Variants in DAPP1 observed in about 807,000 individuals in gnomAD.
DAPP1 encodes the protein dual adaptor of phosphotyrosine and 3-phosphoinositides 1, also known as dual adapter for phosphotyrosine and 3-phosphotyrosine and 3-phosphoinositide.
DAPP1 carries 20 observed loss-of-function variants against 41.5 expected under a neutral mutation model. The observed-to-expected ratio is 0.48, with a 90% confidence interval of 0.34 to 0.70. DAPP1 has a LOEUF of 0.70. DAPP1 is among the 30% of genes least tolerant of loss of function. The pLI, the probability that DAPP1 is intolerant of heterozygous loss-of-function variation, is 0.01. For synonymous variants in DAPP1, 113 were observed against 116.2 expected (o/e 0.97, Z 0.18); for missense variants, 233 against 333.4 (o/e 0.70, Z 2.35).
chr4:99,857,717 C>T (rs945910907), intron 4 of DAPP1, among the ~76,000 whole-genome samples: 25 of 150,966 alleles, frequency 1.7e-4, no homozygotes, highest in African/African-American at 5.8e-4. Flanking sequence ...CACACACACA[C>T]ACACACACAC....
chr4:99,853,172 C>G (rs1183934757), intron 3 of DAPP1, 46 bp from the exon 4 acceptor site: 1 of 1,603,348 alleles, frequency 6.2e-7, no homozygotes, highest in Admixed American at 1.7e-5. Context: ...TTTGGACCTT[C>G]CTTCTGGGAA....
intron 1 of DAPP1, among the ~76,000 whole-genome samples, chr4:99,822,806 T>C (rs1283581273): frequency 6.6e-6 from 1 of 152,176 alleles, no homozygotes; most frequent in African/African-American, 2.4e-5. Context: ...CCAACTCCCG[T>C]AGAGGATAAA....
At chr4:99,870,726 G>A (rs1201693815), downstream of DAPP1, among the ~76,000 whole-genome samples, 1 of 152,166 alleles carries the variant, frequency 6.6e-6, no homozygotes, top group Admixed American at 6.5e-5. Flanking sequence ...ACAGGTATGA[G>A]CTTATCATTA....
At chr4:99,864,032 A>C (rs1724334281) in intron 7 of DAPP1, 177 bp downstream of exon 7, 1 of 511,332 alleles carries the variant, frequency 2.0e-6, no homozygotes, top group Non-Finnish European at 3.4e-6. Flanking sequence ...AAAGTAGCTT[A>C]AACAAACAGG....
chr4:99,842,477 T>TA lies in DAPP1; in HGVS notation c.358+2056dup, dbSNP rs528557492. ...ACTTGCTGGCTTCCAGCCCTTGAGT[T>TA]AGAGTCCACCAGCTTTATTCCTCTT... On this transcript the variant is annotated intron_variant, in intron 3 of 8. Coordinates refer to ENST00000512369, the MANE Select transcript of DAPP1 (RefSeq NM_014395.3). Among the ~76,000 whole-genome samples the TA allele has an allele frequency of 6.0e-3, 908 of 152,366 alleles. 6 individuals carry two copies. The highest frequency in any genetic ancestry group is 0.013 in the Admixed American group (203 of 15,308).
intron 6 of DAPP1, 34 bp from the exon 7 acceptor site, chr4:99,863,735 TA>T (rs1724322116): frequency 1.6e-6 from 2 of 1,247,912 alleles, no homozygotes; most frequent in South Asian, 1.4e-5. Flanking sequence ...TTTTTTTTTT[TA>T]ATGGTGACAT....
At chr4:99,840,532 A>G (rs1490381705) in intron 3 of DAPP1, 110 bp downstream of exon 3, 1 of 1,252,684 alleles carries the variant, frequency 8.0e-7, no homozygotes, top group Non-Finnish European at 1.1e-6. Context: ...TTTCAGCATT[A>G]TCTTGAAGAG....
chr4:99,823,510 A>G (rs551369744), intron 1 of DAPP1, among the ~76,000 whole-genome samples: 1 of 152,334 alleles, frequency 6.6e-6, no homozygotes, highest in East Asian at 1.9e-4. Context: ...ATCATATTAT[A>G]TGTATAATTT....
At chr4:99,826,010 C>A (rs1647955022) in intron 1 of DAPP1, among the ~76,000 whole-genome samples, 2 of 152,194 alleles carry the variant, frequency 1.3e-5, no homozygotes, top group Non-Finnish European at 2.9e-5. Flanking sequence ...CTAGCACCGA[C>A]CCTATGAACA....
At chr4:99,837,192 C>T (rs1358199611) in intron 2 of DAPP1, among the ~76,000 whole-genome samples, 2 of 152,222 alleles carry the variant, frequency 1.3e-5, no homozygotes, top group East Asian at 3.8e-4. Flanking sequence ...AGATAATGTC[C>T]ATATCTTAAC....
chr4:99,855,422 T>C (rs972401195), intron 4 of DAPP1, among the ~76,000 whole-genome samples: 1 of 152,234 alleles, frequency 6.6e-6, no homozygotes, highest in Non-Finnish European at 1.5e-5. Flanking sequence ...ATAGTATCCT[T>C]ATGCAGAAAT....
At chr4:99,821,796 A>G (rs1722783985) in intron 1 of DAPP1, among the ~76,000 whole-genome samples, 1 of 152,234 alleles carries the variant, frequency 6.6e-6, no homozygotes. Context: ...TGTGATTATA[A>G]CAAAGTTTAC....
intron 3 of DAPP1, among the ~76,000 whole-genome samples, chr4:99,848,361 G>A (rs868097799): frequency 6.6e-6 from 1 of 151,640 alleles, no homozygotes; most frequent in East Asian, 2.0e-4. Context: ...CCAAGTAGCT[G>A]GGACTACAGA....
chr4:99,855,973 G>A (rs1400409182), intron 4 of DAPP1, among the ~76,000 whole-genome samples: 1 of 152,194 alleles, frequency 6.6e-6, no homozygotes. Flanking sequence ...AGATGACTGT[G>A]TATAACTGTT....
intron 8 of DAPP1, 130 bp downstream of exon 8, chr4:99,866,251 C>A (rs1175009618): frequency 9.7e-6 from 6 of 618,132 alleles, no homozygotes; most frequent in African/African-American, 1.8e-5. Context: ...TACTTCCAGG[C>A]TTGCGGAACA....
Position 99,853,362 on chromosome 4 carries a change from A to C in DAPP1, c.489+14A>C. On this transcript the variant is annotated intron_variant, in intron 4 of 8. Transcript: ENST00000512369. ...ACAGCACCTTCTGTAAGTGACCTTC[A>C]ACGTGACCACAAGCTCTCTCCCTGT... The C allele has an allele frequency of 6.2e-7, 1 of 1,600,710 alleles. No homozygotes were observed.
chr4:99,828,879 T>C (rs1723030215), intron 1 of DAPP1, among the ~76,000 whole-genome samples: 1 of 152,248 alleles, frequency 6.6e-6, no homozygotes, highest in African/African-American at 2.4e-5. Context: ...TTTATCAGAC[T>C]TGAGACATAA....
At chr4:99,857,235 C>T (rs1341189951) in intron 4 of DAPP1, among the ~76,000 whole-genome samples, 11 of 152,048 alleles carry the variant, frequency 7.2e-5, no homozygotes, top group South Asian at 4.1e-4. Context: ...ATGTGATACA[C>T]GAAAGAAAGA....
At chr4:99,870,833 G>A (rs1407112134), downstream of DAPP1, among the ~76,000 whole-genome samples, 1 of 152,220 alleles carries the variant, frequency 6.6e-6, no homozygotes, top group East Asian at 1.9e-4. Context: ...CCAACATGGT[G>A]AGGGAAGGCT....
Sources: allele counts gnomAD v4.1 joint callset (sites outside exome capture counted in the v4.1 genomes callset), GRCh38; gene constraint gnomAD v4.1.1; transcripts MANE v1.5; gene names NCBI Gene and HGNC (gene_info 2026-07-23, HGNC 2026-07-21).